The following RBFOX1 variants were observed in gnomAD, a reference collection of about 807,000 sequenced individuals.
RBFOX1 encodes the protein RNA binding fox-1 homolog 1.
In RBFOX1, 8 loss-of-function variants were observed where a neutral mutation model predicts 57.7. That is an observed-to-expected ratio of 0.14 (90% CI 0.08 to 0.25). The LOEUF (loss-of-function observed/expected upper bound fraction) is 0.25. Among genes scored for constraint, RBFOX1 ranks in the 10% least tolerant of loss-of-function variants. The probability of loss-of-function intolerance (pLI) is 1.00; values close to 1 mark genes in which losing one functional copy is unlikely to be tolerated. For missense variants in RBFOX1, 611 were observed against 548.5 expected, an observed-to-expected ratio of 1.11 and a Z score of -1.14; for synonymous variants, 326 against 222.4, an observed-to-expected ratio of 1.47 and a Z score of -4.15.
At chr16:6,692,020 C>T (rs1209428107) in intron 3 of RBFOX1, among the ~76,000 whole-genome samples, 1 of 152,172 alleles carries the variant, frequency 6.6e-6, no homozygotes, top group East Asian at 1.9e-4. Context: ...AAACACAGCC[C>T]TGCCTGTTGA....
At chr16:7,294,317 C>G (rs190092888) in intron 4 of RBFOX1, among the ~76,000 whole-genome samples, 1 of 152,250 alleles carries the variant, frequency 6.6e-6, no homozygotes, top group East Asian at 1.9e-4. Flanking sequence ...TGCACCTTGT[C>G]TTTGCTTCAC....
intron 3 of RBFOX1, among the ~76,000 whole-genome samples, chr16:6,964,372 G>T (rs564711001): frequency 7.3e-4 from 111 of 152,234 alleles, no homozygotes; most frequent in Non-Finnish European, 1.4e-3. Flanking sequence ...TGTAATGGTG[G>T]ATCTGTGTCG....
intron 3 of RBFOX1, among the ~76,000 whole-genome samples, chr16:6,845,239 T>C (rs553121528): frequency 2.0e-5 from 3 of 152,314 alleles, no homozygotes; most frequent in Non-Finnish European, 2.9e-5. Context: ...ATTTTCGTTA[T>C]GAATCCTTGC....
intron 2 of RBFOX1, chr16:6,483,304 G>A (rs2095404459): frequency 5.7e-6 from 8 of 1,398,596 alleles, no homozygotes; most frequent in Admixed American, 2.9e-5. Flanking sequence ...TCGCTCTCGC[G>A]CCCGCGCGCT....
At chr16:6,796,173 T>A (rs2083991660) in intron 3 of RBFOX1, among the ~76,000 whole-genome samples, 1 of 152,026 alleles carries the variant, frequency 6.6e-6, no homozygotes, top group Non-Finnish European at 1.5e-5. Context: ...GAAGAGAGCT[T>A]GTGCAGGGAA....
chr16:5,625,567 T>C lies in RBFOX1; in HGVS notation c.318+26606T>C, dbSNP rs868479923. Among the ~76,000 whole-genome samples, 234 of 151,124 alleles carry C rather than the reference T, an allele frequency of 1.5e-3. 1 individual carries two copies. The highest frequency in any genetic ancestry group is 5.2e-3 in the African/African-American group (214 of 40,950). On this transcript the variant is annotated intron_variant, in intron 3 of 19. Transcript: ENST00000641259. ...ATTTACTTATTTATTTATTTATTTATTTATTTTCGAGATGGAGTTTTGCTC... is the reference window on the plus strand; with the variant it reads ...ATTTACTTATTTATTTATTTATTTACTTATTTTCGAGATGGAGTTTTGCTC...
chr16:7,707,232 T>C (rs967643691), intron 14 of RBFOX1, among the ~76,000 whole-genome samples: 2 of 152,186 alleles, frequency 1.3e-5, no homozygotes, highest in Admixed American at 6.5e-5. Flanking sequence ...AAACCTGGTA[T>C]AATCAATTGT....
At chr16:6,244,741 C>T (rs1212113942) in intron 1 of RBFOX1, among the ~76,000 whole-genome samples, 1 of 152,270 alleles carries the variant, frequency 6.6e-6, no homozygotes, top group East Asian at 1.9e-4. Context: ...AACTCCTGAC[C>T]TCGTGATCCA....
At chr16:6,163,469 GA>G (rs1308311381) in intron 1 of RBFOX1, among the ~76,000 whole-genome samples, 1 of 152,188 alleles carries the variant, frequency 6.6e-6, no homozygotes, top group East Asian at 1.9e-4. Context: ...GTTAGTAGCT[GA>G]AAGTTTCCAG....
At chr16:5,826,564 G>T (rs2056063186) in intron 3 of RBFOX1, among the ~76,000 whole-genome samples, 2 of 152,222 alleles carry the variant, frequency 1.3e-5, no homozygotes, top group Non-Finnish European at 1.5e-5. Flanking sequence ...GTGTGGTTGT[G>T]TGTCAAGAAA....
chr16:5,494,270 A>G (rs1419485873), intron 2 of RBFOX1, among the ~76,000 whole-genome samples: 1 of 152,176 alleles, frequency 6.6e-6, no homozygotes, highest in African/African-American at 2.4e-5. Context: ...AGACATTCGG[A>G]TTCCAGTCTT....
chr16:7,070,980 T>G (rs938308636), intron 4 of RBFOX1, among the ~76,000 whole-genome samples: 4 of 152,086 alleles, frequency 2.6e-5, no homozygotes, highest in African/African-American at 9.7e-5. Flanking sequence ...TTGCCCAGAG[T>G]GGCATGTTGT....
At chr16:6,093,964 C>T (rs1397325928) in intron 1 of RBFOX1, among the ~76,000 whole-genome samples, 4 of 152,180 alleles carry the variant, frequency 2.6e-5, no homozygotes, top group African/African-American at 2.4e-5. Context: ...CTGCCCGCCC[C>T]TGCTGGCTTT....
intron 3 of RBFOX1, among the ~76,000 whole-genome samples, chr16:6,753,806 G>T (rs551148911): frequency 2.4e-4 from 37 of 152,212 alleles, no homozygotes; most frequent in African/African-American, 6.5e-4. Context: ...GCTGTTGCCT[G>T]CTCTACATTG....
chr16:6,840,569 C>G (rs1011698463), intron 3 of RBFOX1, among the ~76,000 whole-genome samples: 3 of 151,994 alleles, frequency 2.0e-5, no homozygotes, highest in Non-Finnish European at 4.4e-5. Flanking sequence ...GAGCATAGCC[C>G]TCATGAATGG....
At chr16:6,499,815 G>A (rs370148622) in intron 2 of RBFOX1, among the ~76,000 whole-genome samples, 6 of 152,180 alleles carry the variant, frequency 3.9e-5, no homozygotes, top group Middle Eastern at 3.4e-3. Flanking sequence ...TAGGGCATTC[G>A]CGGGTAATCG....
intron 3 of RBFOX1, among the ~76,000 whole-genome samples, chr16:5,835,440 G>C (rs375709019): frequency 6.6e-6 from 1 of 152,212 alleles, no homozygotes; most frequent in East Asian, 1.9e-4. Flanking sequence ...AATGGAGAAA[G>C]GGGGTTTTGA....
At chr16:6,585,528 A>G (rs74005133) in intron 2 of RBFOX1, among the ~76,000 whole-genome samples, 6,796 of 152,244 alleles carry the variant, frequency 0.045, 514 homozygotes, top group African/African-American at 0.15. Context: ...CATGTTTTGC[A>G]AGGTCCTTGC....
chr16:6,802,803 C>A (rs2085802276), intron 3 of RBFOX1, among the ~76,000 whole-genome samples: 1 of 152,126 alleles, frequency 6.6e-6, no homozygotes, highest in African/African-American at 2.4e-5. Flanking sequence ...GTAGGCTGAC[C>A]CAAAATATTT....
Sources: gnomAD v4.1 joint callset for allele counts (sites outside exome capture counted in the v4.1 genomes callset) on GRCh38, gnomAD v4.1.1 for gene constraint, MANE v1.5 for transcripts, NCBI Gene and HGNC (gene_info 2026-07-23, HGNC 2026-07-21) for gene names.